Variants in TRPV4 observed in about 807,000 individuals in gnomAD.
TRPV4 encodes the protein transient receptor potential cation channel subfamily V member 4.
Under a neutral mutation model 84.1 loss-of-function variants are expected in TRPV4, and 58 were observed. The ratio of observed to expected loss-of-function variants is 0.69; its 90% CI spans 0.56 to 0.86. TRPV4 has a LOEUF of 0.86. TRPV4 is among the 40% of genes least tolerant of loss of function. TRPV4 has a pLI of 0.00. For missense variants in TRPV4, 879 were observed against 1,181.1 expected (o/e 0.74, Z 3.75); for synonymous variants, 489 against 500.9 (o/e 0.98, Z 0.32).
In TRPV4 at chr12:109,796,511, C is replaced by G. The variant is rs1407651258; in HGVS notation, c.1332+14G>C. On this transcript the variant is annotated intron_variant, in intron 7 of 15. Coordinates refer to ENST00000261740, the MANE Select transcript of TRPV4 (RefSeq NM_021625.5). This position sits in a 1 kb window ranked among gnomAD's most constrained non-coding sequence, Gnocchi z 4.2. ...CCTCCTTCCTCACACCCCATGCCCCCTCCTGGAGCCCACCTCAATCTTGCT... is the reference window on the plus strand; with the variant it reads ...CCTCCTTCCTCACACCCCATGCCCCGTCCTGGAGCCCACCTCAATCTTGCT... The G allele has an allele frequency of 6.2e-7, 1 of 1,614,004 alleles. No individual in the cohort carries two copies. Among genetic ancestry groups the G allele is most frequent in the African/African-American group, 1.3e-5 (1 of 75,042 alleles).
chr12:109,811,586 A>T (rs1891517154), intron 2 of TRPV4, among the ~76,000 whole-genome samples: 1 of 151,578 alleles, frequency 6.6e-6, no homozygotes, highest in Non-Finnish European at 1.5e-5. Flanking sequence ...TGAACCTGGG[A>T]GGTGGAGGTT....
intron 1 of TRPV4, among the ~76,000 whole-genome samples, chr12:109,829,792 G>A (rs978522868): frequency 6.6e-6 from 1 of 152,158 alleles, no homozygotes; most frequent in African/African-American, 2.4e-5. Context: ...TTAAACATGC[G>A]GATGCAGTTT....
rs1019790413 is a variant in TRPV4, at chr12:109,792,638, C to T, written c.1824+14G>A. The T allele has an allele frequency of 9.3e-6, 15 of 1,614,014 alleles. No individual in the cohort carries two copies. Among genetic ancestry groups the T allele is most frequent in the Non-Finnish European group, 1.3e-5 (15 of 1,180,038 alleles). ...CAGGAACACACGAGTCCAGAGGGTC[C>T]TCCCAGCCCGTACCTTCTGGATCAT... On this transcript the variant is annotated intron_variant, in intron 11 of 15. Coordinates refer to ENST00000261740, the MANE Select transcript of TRPV4 (RefSeq NM_021625.5).
chr12:109,786,954 C>T lies in TRPV4; in HGVS notation c.2209-117G>A, dbSNP rs1889727670. ...GGGCCCAGAACTAGGCATTTAGACT[C>T]CTACTCCCCACTAGACACAGGGTTT... On this transcript the variant is annotated intron_variant, in intron 13 of 15. Transcript: ENST00000261740. The surrounding 1 kb of genome is among the most constrained non-coding windows in gnomAD (Gnocchi z 4.5). The T allele has an allele frequency of 8.5e-6, 12 of 1,405,208 alleles. No homozygotes were observed. The highest frequency in any genetic ancestry group is 1.2e-5 in the Non-Finnish European group (12 of 1,013,476). 87.0% of individuals were successfully genotyped at this position (1,405,208 alleles called of 1,614,324 possible). A position where few individuals can be genotyped will look rare whatever the true frequency, so the allele number is the denominator to read the frequency against.
intron 2 of TRPV4, among the ~76,000 whole-genome samples, chr12:109,810,207 G>A (rs544247818): frequency 1.1e-3 from 164 of 152,368 alleles, no homozygotes; most frequent in Non-Finnish European, 1.9e-3. Flanking sequence ...CCACCATGAG[G>A]CAGGAATGCT....
chr12:109,794,523 G>A (rs1344276829), intron 7 of TRPV4, 36 bp from the exon 8 acceptor site: 37 of 1,612,152 alleles, frequency 2.3e-5, no homozygotes, highest in Non-Finnish European at 2.6e-5. Context: ...CTGCCTTCCT[G>A]AGATGGGTGG....
At chr12:109,827,488 GC>G (rs1374269303) in intron 1 of TRPV4, among the ~76,000 whole-genome samples, 1 of 151,788 alleles carries the variant, frequency 6.6e-6, no homozygotes, top group East Asian at 1.9e-4. Context: ...TCAACCCCAT[GC>G]CCCCTGTCCC....
chr12:109,795,596 A>G (rs1890336012), intron 7 of TRPV4, among the ~76,000 whole-genome samples: 1 of 152,248 alleles, frequency 6.6e-6, no homozygotes, highest in Admixed American at 6.5e-5. Context: ...AGGCAGAAAC[A>G]AACCCAAGCG....
At chr12:109,785,459 G>A (rs1376737546) in intron 14 of TRPV4, among the ~76,000 whole-genome samples, 14 of 150,814 alleles carry the variant, frequency 9.3e-5, no homozygotes, top group Admixed American at 6.6e-4. Context: ...TGCTCTGTCC[G>A]CCAGACTGGA....
chr12:109,816,457 A>AT (rs1328691072), intron 1 of TRPV4, among the ~76,000 whole-genome samples: 3 of 152,108 alleles, frequency 2.0e-5, no homozygotes, highest in African/African-American at 7.2e-5. Context: ...GTGAGGTCAG[A>AT]TATATCCAGT....
chr12:109,809,844 A>C (rs1314972110), intron 2 of TRPV4, among the ~76,000 whole-genome samples: 1 of 152,260 alleles, frequency 6.6e-6, no homozygotes, highest in Non-Finnish European at 1.5e-5. Context: ...CTAACCCATT[A>C]ATTTATTCAT....
At position 109,798,120 on chromosome 12, in the gene TRPV4, C is replaced by A. The variant is rs1393279457; in HGVS notation, c.1152+494G>T. On this transcript the variant is annotated intron_variant, in intron 6 of 15. Transcript: ENST00000261740. The surrounding 1 kb of genome is among the most constrained non-coding windows in gnomAD (Gnocchi z 5.0). ...CAAGTGTAAGGGGAGGTGTTCCTGG[C>A]ATCTGGTGGGTAGAGGCCCGGGATG... 6.6e-6 allele frequency among the ~76,000 whole-genome samples: 1 copy of A among 152,156 alleles called. No individual in the cohort carries two copies. Among genetic ancestry groups the A allele is most frequent in the African/African-American group, 2.4e-5 (1 of 41,420 alleles).
chr12:109,798,329 C>T lies in TRPV4; in HGVS notation c.1152+285G>A, dbSNP rs534958346. Among the ~76,000 whole-genome samples, 7 of 152,242 alleles carry T rather than the reference C, an allele frequency of 4.6e-5. No individual in the cohort carries two copies. The highest frequency in any genetic ancestry group is 3.9e-4 in the East Asian group (2 of 5,182). On this transcript the variant is annotated intron_variant, in intron 6 of 15. Transcript: ENST00000261740. The surrounding 1 kb of genome is among the most constrained non-coding windows in gnomAD (Gnocchi z 5.0). ...CTGGGAGCACCGCTGGGCTAGGGCCCGGGGACTCAGTTTCTTATCAGTGGC... is the reference window on the plus strand; with the variant it reads ...CTGGGAGCACCGCTGGGCTAGGGCCTGGGGACTCAGTTTCTTATCAGTGGC...
intron 2 of TRPV4, among the ~76,000 whole-genome samples, chr12:109,810,455 C>T (rs530959988): frequency 3.3e-5 from 5 of 152,218 alleles, no homozygotes; most frequent in East Asian, 1.9e-4. Context: ...GCAGGTGGGA[C>T]GGGGTTGCAA....
intron 4 of TRPV4, 119 bp downstream of exon 4, chr12:109,802,872 G>T: frequency 2.0e-6 from 2 of 992,644 alleles, no homozygotes; most frequent in Non-Finnish European, 3.1e-6. Flanking sequence ...CCATCCATTT[G>T]TCAGGTCCTG....
At chr12:109,806,835 T>G (rs1338640182) in intron 3 of TRPV4, among the ~76,000 whole-genome samples, 1 of 134,574 alleles carries the variant, frequency 7.4e-6, no homozygotes, top group Admixed American at 8.5e-5. Context: ...CATTCCAGCC[T>G]GGGTGACAGA....
rs1041845304 is a variant in TRPV4 at position 109,783,422 on chromosome 12, C to T, written c.*199G>A. 4 of 639,610 alleles carry T rather than the reference C, an allele frequency of 6.3e-6. No homozygotes were observed. The highest frequency in any genetic ancestry group is 1.1e-5 in the Non-Finnish European group (4 of 380,538). The allele number at this position is 639,610 out of a possible 1,614,324, so 39.6% of individuals were successfully genotyped here. Reference sequence around the variant, plus strand: ...CTTATGTGACTCCATAGGAGCAAGACAGGTGGCCGGGAGCCCCCACCCCAG... The same window carrying T: ...CTTATGTGACTCCATAGGAGCAAGATAGGTGGCCGGGAGCCCCCACCCCAG... On this transcript the variant is annotated 3_prime_UTR_variant, in exon 16 of 16. Coordinates refer to ENST00000261740, the MANE Select transcript of TRPV4 (RefSeq NM_021625.5). The surrounding 1 kb of genome is among the most constrained non-coding windows in gnomAD (Gnocchi z 4.6).
chr12:109,802,614 A>T lies in TRPV4; in HGVS notation c.712+377T>A, dbSNP rs374306851. On this transcript the variant is annotated intron_variant, in intron 4 of 15. Transcript: ENST00000261740. ...ACCGCACCTGGCCTTCTTTTATTTTATTTTTTTTTTTTTGTATCTTTTGTC... is the reference window on the plus strand; with the variant it reads ...ACCGCACCTGGCCTTCTTTTATTTTTTTTTTTTTTTTTTGTATCTTTTGTC... 2.4e-4 allele frequency among the ~76,000 whole-genome samples: 25 copies of T among 103,528 alleles called. 1 individual carries two copies. The South Asian group carries it at 5.3e-3, about 22-fold the overall frequency. The allele number at this position is 103,528 out of a possible 152,430, so 67.9% of individuals were successfully genotyped here.
chr12:109,828,546 T>C (rs936056172), intron 1 of TRPV4, among the ~76,000 whole-genome samples: 5 of 152,174 alleles, frequency 3.3e-5, no homozygotes, highest in African/African-American at 9.7e-5. Context: ...CCTCCTCAAG[T>C]TGGCAGAGCT....
Sources: gnomAD v4.1 joint callset for allele counts (sites outside exome capture counted in the v4.1 genomes callset) on GRCh38, gnomAD v4.1.1 for gene constraint, Gnocchi (gnomAD v3.1) non-coding constraint, MANE v1.5 for transcripts, NCBI Gene and HGNC (gene_info 2026-07-23, HGNC 2026-07-21) for gene names.